The following IGF1R variants were observed in gnomAD, a reference collection of about 807,000 sequenced individuals.
IGF1R encodes the protein insulin like growth factor 1 receptor.
IGF1R carries 44 observed loss-of-function variants against 144.6 expected under a neutral mutation model. The observed-to-expected ratio is 0.30, with a 90% CI of 0.24 to 0.39. IGF1R has a LOEUF of 0.39. Among genes scored for constraint, IGF1R ranks in the 10% least tolerant of loss-of-function variants. The probability of loss-of-function intolerance (pLI) is 1.00; values close to 1 mark genes in which losing one functional copy is unlikely to be tolerated. For synonymous variants in IGF1R, 795 were observed against 722.8 expected (o/e 1.10, Z -1.60); for missense variants, 1,355 against 1,833.7 (o/e 0.74, Z 4.77).
chr15:98,866,911 T>C (rs1461395985), intron 2 of IGF1R, among the ~76,000 whole-genome samples: 3 of 152,176 alleles, frequency 2.0e-5, no homozygotes, highest in Admixed American at 1.3e-4. Flanking sequence ...TTTTGTGAAT[T>C]TGTTTAAACA....
At chr15:98,925,384 C>T (rs553077261) in intron 13 of IGF1R, among the ~76,000 whole-genome samples, 1 of 152,316 alleles carries the variant, frequency 6.6e-6, no homozygotes, top group Admixed American at 6.5e-5. Context: ...GTTGTTTGAC[C>T]AACAAAACTT....
intron 1 of IGF1R, among the ~76,000 whole-genome samples, chr15:98,693,898 G>A (rs1460080004): frequency 6.6e-6 from 1 of 152,212 alleles, no homozygotes; most frequent in Non-Finnish European, 1.5e-5. Flanking sequence ...GAGCCACCGT[G>A]CCTGGCCTGA....
At chr15:98,664,510 T>TA (rs1229917066) in intron 1 of IGF1R, among the ~76,000 whole-genome samples, 1 of 151,572 alleles carries the variant, frequency 6.6e-6, no homozygotes, top group Admixed American at 6.6e-5. Context: ...ACTAAAAATA[T>TA]AAAAATTAGC....
intron 20 of IGF1R, among the ~76,000 whole-genome samples, chr15:98,955,995 C>T (rs191784826): frequency 2.0e-4 from 31 of 152,332 alleles, no homozygotes; most frequent in African/African-American, 6.0e-4. Context: ...GGGCTGTTGG[C>T]GGTCACTCCT....
intron 2 of IGF1R, among the ~76,000 whole-genome samples, chr15:98,811,555 T>C (rs1429160958): frequency 6.6e-6 from 1 of 150,952 alleles, no homozygotes; most frequent in Non-Finnish European, 1.5e-5. Context: ...GTTATTTCTC[T>C]ATGTAAACAA....
intron 1 of IGF1R, among the ~76,000 whole-genome samples, chr15:98,662,787 C>A (rs2052631793): frequency 6.6e-6 from 1 of 152,104 alleles, no homozygotes; most frequent in Non-Finnish European, 1.5e-5. Context: ...TCTCAAGATC[C>A]AAGGAGGCAG....
chr15:98,934,828 C>T lies in IGF1R; in HGVS notation c.2961C>T (p.Tyr987=), dbSNP rs35449468. 50 of 1,613,696 alleles carry T rather than the reference C, an allele frequency of 3.1e-5. 1 individual carries two copies. In the Middle Eastern group the frequency reaches 4.9e-4, roughly 16 times the overall value. Residue 987 remains tyrosine, a synonymous_variant, in exon 16 of 21, where the codon TAC becomes TAT. Transcript: ENST00000650285. ...TAATTACGGTTTCTTCTCCAGTGTACGTTCCTGATGAGTGGGAGGTGGCTC... is the reference window on the plus strand; with the variant it reads ...TAATTACGGTTTCTTCTCCAGTGTATGTTCCTGATGAGTGGGAGGTGGCTC... ...NPEYFSAADV[Y]VPDEWEVARE... is the part of the protein sequence containing the mutation.
chr15:98,735,424 C>T (rs1008936158), intron 2 of IGF1R, among the ~76,000 whole-genome samples: 5 of 152,250 alleles, frequency 3.3e-5, no homozygotes, highest in African/African-American at 1.2e-4. Context: ...TTTAACCCTG[C>T]ATCCCCACCT....
chr15:98,715,500 G>A (rs144157968), intron 2 of IGF1R, among the ~76,000 whole-genome samples: 2 of 152,270 alleles, frequency 1.3e-5, no homozygotes, highest in East Asian at 3.9e-4. Flanking sequence ...GTTTCTTCCT[G>A]TGCTTGAAAA....
chr15:98,794,253 A>G (rs2056190465), intron 2 of IGF1R, among the ~76,000 whole-genome samples: 1 of 152,164 alleles, frequency 6.6e-6, no homozygotes, highest in Non-Finnish European at 1.5e-5. Flanking sequence ...CCTTTATTAG[A>G]TGGCCCTCAA....
At chr15:98,929,278 T>C (rs1301998003) in intron 13 of IGF1R, among the ~76,000 whole-genome samples, 1 of 152,178 alleles carries the variant, frequency 6.6e-6, no homozygotes, top group Non-Finnish European at 1.5e-5. Flanking sequence ...ACAAAGATTA[T>C]TTTTCTTCAG....
intron 1 of IGF1R, among the ~76,000 whole-genome samples, chr15:98,662,925 G>A (rs1037133792): frequency 1.2e-4 from 19 of 152,108 alleles, no homozygotes; most frequent in African/African-American, 4.1e-4. Context: ...AATGAGGAGC[G>A]CTGAAACCTT....
intron 2 of IGF1R, among the ~76,000 whole-genome samples, chr15:98,858,631 C>T (rs554529492): frequency 9.2e-5 from 14 of 152,320 alleles, no homozygotes; most frequent in African/African-American, 3.1e-4. Context: ...CTCTGGGCTT[C>T]GGAGGCACAG....
chr15:98,662,658 T>C (rs2052628100), intron 1 of IGF1R, among the ~76,000 whole-genome samples: 2 of 152,108 alleles, frequency 1.3e-5, no homozygotes. Flanking sequence ...AGTGCTAAGT[T>C]ATGGGATGCT....
At chr15:98,936,045 G>T (rs1030120499) in intron 17 of IGF1R, among the ~76,000 whole-genome samples, 1 of 151,964 alleles carries the variant, frequency 6.6e-6, no homozygotes, top group African/African-American at 2.4e-5. Context: ...CCAGCTCCGT[G>T]CGCAAGATGT....
Position 98,957,822 on chromosome 15 carries a change from G to A in IGF1R, c.*380G>A. The stretch of plus-strand genomic sequence containing the variant: ...AAAATAATTGCCACAAGTCCAGCTG[G>A]GAAGCCCTTTTTATCAGTTTGAGGA... On this transcript the variant is annotated 3_prime_UTR_variant, in exon 21 of 21. Coordinates refer to ENST00000650285, the MANE Select transcript of IGF1R (RefSeq NM_000875.5). 2 of 326,394 alleles carry A rather than the reference G, an allele frequency of 6.1e-6. No homozygotes were observed. The highest frequency in any genetic ancestry group is 1.1e-5 in the Non-Finnish European group (2 of 175,702). 20.2% of individuals were successfully genotyped at this position (326,394 alleles called of 1,614,324 possible). A position where few individuals can be genotyped will look rare whatever the true frequency, so the allele number is the denominator to read the frequency against.
At chr15:98,784,448 T>C (rs2055940002) in intron 2 of IGF1R, 1 of 153,954 alleles carries the variant, frequency 6.5e-6, no homozygotes, top group African/African-American at 2.4e-5. Flanking sequence ...TCTGACCCCT[T>C]AGGTTGATGT....
intron 2 of IGF1R, among the ~76,000 whole-genome samples, chr15:98,717,682 G>A (rs968643460): frequency 6.6e-6 from 1 of 152,164 alleles, no homozygotes; most frequent in Non-Finnish European, 1.5e-5. Context: ...TATTTTGTTT[G>A]CAAGTTTGGT....
chr15:98,870,413 T>C (rs1990539060), intron 2 of IGF1R, among the ~76,000 whole-genome samples: 1 of 152,182 alleles, frequency 6.6e-6, no homozygotes. Flanking sequence ...AGGAGAGACC[T>C]CTTGGGAATG....
Sources: allele counts gnomAD v4.1 joint callset (sites outside exome capture counted in the v4.1 genomes callset), GRCh38; gene constraint gnomAD v4.1.1; transcripts MANE v1.5; gene names NCBI Gene and HGNC (gene_info 2026-07-23, HGNC 2026-07-21).